ERBB4: variants seen among roughly 807,000 people sequenced by gnomAD.
ERBB4 encodes the protein receptor tyrosine-protein kinase erbB-4.
In ERBB4, 42 loss-of-function variants were observed where a neutral mutation model predicts 158.0. The observed-to-expected ratio is 0.27, with a 90% confidence interval of 0.21 to 0.34. The LOEUF is 0.34. ERBB4 is among the 10% of genes least tolerant of loss of function. ERBB4 has a pLI of 1.00. For synonymous variants in ERBB4, 583 were observed against 558.7 expected (o/e 1.04, Z -0.61); for missense variants, 1,333 against 1,624.1 (o/e 0.82, Z 3.08).
intron 1 of ERBB4, among the ~76,000 whole-genome samples, chr2:212,536,408 C>T (rs1693067637): frequency 6.6e-6 from 1 of 152,126 alleles, no homozygotes; most frequent in Admixed American, 6.6e-5. Context: ...GGGATGCACC[C>T]GAGAGCTTTT....
chr2:212,452,865 A>G (rs1688077643), intron 1 of ERBB4, among the ~76,000 whole-genome samples: 1 of 152,180 alleles, frequency 6.6e-6, no homozygotes, highest in South Asian at 2.1e-4. Context: ...AAGACATACT[A>G]CAATTATTTC....
chr2:211,701,576 G>A (rs1401960579), intron 12 of ERBB4, among the ~76,000 whole-genome samples: 6 of 151,628 alleles, frequency 4.0e-5, no homozygotes, highest in Non-Finnish European at 7.4e-5. Flanking sequence ...CTAACACAGC[G>A]AAACCCCATC....
At chr2:212,315,228 T>TA (rs1475097813) in intron 1 of ERBB4, among the ~76,000 whole-genome samples, 2 of 151,418 alleles carry the variant, frequency 1.3e-5, no homozygotes, top group Non-Finnish European at 3.0e-5. Context: ...TCTGATTTTA[T>TA]AATAACTCAA....
chr2:211,676,448 T>C (rs2105948743), intron 13 of ERBB4, among the ~76,000 whole-genome samples: 1 of 152,354 alleles, frequency 6.6e-6, no homozygotes, highest in East Asian at 1.9e-4. Flanking sequence ...TGGTTAGCTT[T>C]CATTGTTTTT....
intron 19 of ERBB4, among the ~76,000 whole-genome samples, chr2:211,598,628 T>G (rs2068708378): frequency 6.6e-6 from 1 of 152,164 alleles, no homozygotes; most frequent in African/African-American, 2.4e-5. Context: ...AATCAAGAAA[T>G]CTATTTTATT....
intron 3 of ERBB4, among the ~76,000 whole-genome samples, chr2:211,791,452 G>T (rs1017061501): frequency 1.3e-5 from 2 of 151,798 alleles, no homozygotes; most frequent in Admixed American, 1.3e-4. Flanking sequence ...GATAGGCAAA[G>T]GAGGCACACA....
At chr2:211,701,372 T>G (rs796504505) in intron 12 of ERBB4, among the ~76,000 whole-genome samples, 4 of 152,026 alleles carry the variant, frequency 2.6e-5, no homozygotes, top group African/African-American at 9.6e-5. Context: ...ATTGGATCCT[T>G]GAAATGACCT....
chr2:212,138,313 T>C (rs910003206), intron 1 of ERBB4, among the ~76,000 whole-genome samples: 1 of 152,154 alleles, frequency 6.6e-6, no homozygotes, highest in Non-Finnish European at 1.5e-5. Context: ...CAGTAGTCAA[T>C]GATGTTACCG....
Position 211,934,926 on chromosome 2 carries a change from TA to T in ERBB4, c.421+12503del, listed in dbSNP as rs34614862. Among the ~76,000 whole-genome samples the T allele has an allele frequency of 1.4e-3, 125 of 86,628 alleles. 8 individuals are homozygous for T. The highest frequency in any genetic ancestry group is 3.9e-3 in the East Asian group (14 of 3,620). The allele number at this position is 86,628 out of a possible 152,430, so 56.8% of individuals were successfully genotyped here. A position where few individuals can be genotyped will look rare whatever the true frequency, so the allele number is the denominator to read the frequency against. On this transcript the variant is annotated intron_variant, in intron 3 of 27. Transcript: ENST00000342788. The stretch of plus-strand genomic sequence containing the variant: ...TACACTAAGCAAAGTCTCATTCAGC[TA>T]AAAAAAAAAAAAAACTGCCTTGAAG...
At chr2:212,394,645 C>T (rs550438249) in intron 1 of ERBB4, among the ~76,000 whole-genome samples, 1 of 152,178 alleles carries the variant, frequency 6.6e-6, no homozygotes, top group African/African-American at 2.4e-5. Context: ...CTTCCACGTG[C>T]TTCCATGTGC....
chr2:212,145,727 TAAAAAAAAAAAA>T (rs5838300), intron 1 of ERBB4, among the ~76,000 whole-genome samples: 2 of 88,882 alleles, frequency 2.3e-5, no homozygotes, highest in African/African-American at 3.6e-5. Flanking sequence ...CAGCATGCAG[TAAAAAAAAAAAA>T]AAAAAAAAAA....
intron 19 of ERBB4, among the ~76,000 whole-genome samples, chr2:211,610,623 T>C (rs1395953558): frequency 2.6e-5 from 4 of 152,134 alleles, no homozygotes; most frequent in African/African-American, 9.7e-5. Flanking sequence ...GAATAAGAAA[T>C]TGCACATGAT....
At chr2:212,001,010 C>T (rs2076090586) in intron 2 of ERBB4, among the ~76,000 whole-genome samples, 1 of 151,990 alleles carries the variant, frequency 6.6e-6, no homozygotes, top group African/African-American at 2.4e-5. Flanking sequence ...ATGTTACAAA[C>T]ACTTAGAACT....
intron 9 of ERBB4, 97 bp downstream of exon 9, chr2:211,711,953 C>G: frequency 9.3e-7 from 1 of 1,071,344 alleles, no homozygotes; most frequent in South Asian, 1.3e-5. Flanking sequence ...AGGTGAAACT[C>G]TTCAGCTTCC....
At chr2:212,055,330 T>G (rs1344613671) in intron 2 of ERBB4, among the ~76,000 whole-genome samples, 1 of 152,168 alleles carries the variant, frequency 6.6e-6, no homozygotes, top group Non-Finnish European at 1.5e-5. Flanking sequence ...CCATGACAGC[T>G]GAATGAGGCC....
intron 17 of ERBB4, among the ~76,000 whole-genome samples, chr2:211,625,244 T>C (rs891909421): frequency 3.9e-5 from 6 of 152,196 alleles, no homozygotes; most frequent in African/African-American, 1.4e-4. Context: ...TAGTCTCTTT[T>C]ATTTTTCCAG....
chr2:211,823,000 T>A (rs1235421333), intron 3 of ERBB4, among the ~76,000 whole-genome samples: 1 of 151,992 alleles, frequency 6.6e-6, no homozygotes, highest in Non-Finnish European at 1.5e-5. Context: ...GAACTTCCAA[T>A]GCTGTTACAA....
intron 2 of ERBB4, among the ~76,000 whole-genome samples, chr2:211,980,558 T>C (rs1329277912): frequency 1.3e-5 from 2 of 152,208 alleles, no homozygotes; most frequent in Non-Finnish European, 1.5e-5. Flanking sequence ...AGTCATCCCT[T>C]AGTATTTAGT....
At position 211,409,212 on chromosome 2, in the gene ERBB4, T is replaced by TA. The variant is rs577439975; in HGVS notation, c.3135+11228dup. On this transcript the variant is annotated intron_variant, in intron 25 of 27. Coordinates refer to ENST00000342788, the MANE Select transcript of ERBB4 (RefSeq NM_005235.3). ...AGAGTTGAAAGCATAGACAAATCAG[T>TA]AAAAAAACCTTACTTTTTACCATGT... Among the ~76,000 whole-genome samples the TA allele has an allele frequency of 1.8e-4, 27 of 152,174 alleles. No homozygotes were observed. The South Asian group carries it at 2.5e-3, about 14-fold the overall frequency.
Sources: allele counts gnomAD v4.1 joint callset (sites outside exome capture counted in the v4.1 genomes callset), GRCh38; gene constraint gnomAD v4.1.1; transcripts MANE v1.5; gene names NCBI Gene and HGNC (gene_info 2026-07-23, HGNC 2026-07-21).